Variants in CTNS observed in about 807,000 individuals in gnomAD.
CTNS encodes cystinosin, lysosomal cystine transporter.
CTNS carries 27 observed loss-of-function variants against 43.7 expected under a neutral mutation model. The observed-to-expected ratio is 0.62, with a 90% CI of 0.46 to 0.85. The LOEUF is 0.85. Ranked by LOEUF, CTNS falls within the 40% of genes least tolerant of loss-of-function variation. CTNS has a pLI of 0.00. For synonymous variants in CTNS, 187 were observed against 190.6 expected, an observed-to-expected ratio of 0.98 and a Z score of 0.16; for missense variants, 457 against 475.4, an observed-to-expected ratio of 0.96 and a Z score of 0.36.
chr17:3,660,024 C>G (rs1233969942), intron 11 of CTNS, 49 bp downstream of exon 11: 8 of 1,524,694 alleles, frequency 5.2e-6, no homozygotes, highest in African/African-American at 4.1e-5. Flanking sequence ...GGGCATCGGG[C>G]GGGGCCAGCC....
chr17:3,659,382 G>A (rs2076232729), intron 10 of CTNS, among the ~76,000 whole-genome samples: 1 of 152,234 alleles, frequency 6.6e-6, no homozygotes, highest in African/African-American at 2.4e-5. Context: ...AAGGCTAGGA[G>A]AACTGTCACT....
chr17:3,660,159 GC>G, intron 11 of CTNS, 76 bp from the exon 12 acceptor site: 2 of 1,597,014 alleles, frequency 1.3e-6, no homozygotes, highest in Non-Finnish European at 1.7e-6. Context: ...GACCCCCACC[GC>G]CCACCACCCC....
rs377574120 is a variant in CTNS, at chr17:3,655,372, G to A, written c.461+20G>A. ...GAAAAGGTAACCCCCTGGGCCGTATGTGCAGGCTCTCTCGGGGCCCCTAGG... is the reference window on the plus strand; with the variant it reads ...GAAAAGGTAACCCCCTGGGCCGTATATGCAGGCTCTCTCGGGGCCCCTAGG... On this transcript the variant is annotated intron_variant, in intron 7 of 11. Coordinates refer to ENST00000046640, the MANE Select transcript of CTNS (RefSeq NM_004937.3). 3.7e-6 allele frequency: 6 copies of A among 1,613,590 alleles called. No homozygotes were observed. In the African/African-American group the frequency reaches 6.7e-5, roughly 18 times the overall value.
intron 3 of CTNS, among the ~76,000 whole-genome samples, chr17:3,646,094 G>A (rs2075836871): frequency 6.6e-6 from 1 of 152,052 alleles, no homozygotes; most frequent in Non-Finnish European, 1.5e-5. Context: ...CTAGAGTCAT[G>A]ACCATAACCC....
chr17:3,645,481 T>A (rs2075821397), intron 3 of CTNS, among the ~76,000 whole-genome samples: 1 of 152,058 alleles, frequency 6.6e-6, no homozygotes, highest in Non-Finnish European at 1.5e-5. Context: ...GTGATCTCCT[T>A]AGAGGAGACG....
intron 5 of CTNS, among the ~76,000 whole-genome samples, chr17:3,654,421 C>A (rs553314008): frequency 2.6e-4 from 39 of 152,256 alleles, no homozygotes; most frequent in Non-Finnish European, 4.6e-4. Context: ...TGCCTGTAAT[C>A]CCAGCACTTT....
intron 9 of CTNS, 138 bp from the exon 10 acceptor site, chr17:3,657,867 C>T (rs1364665504): frequency 7.9e-6 from 7 of 890,736 alleles, no homozygotes; most frequent in Non-Finnish European, 1.3e-5. Context: ...GTGCAGCCCC[C>T]ACCTTGCAGG....
chr17:3,659,494 C>T (rs777852869), intron 10 of CTNS, among the ~76,000 whole-genome samples: 1 of 152,172 alleles, frequency 6.6e-6, no homozygotes, highest in Non-Finnish European at 1.5e-5. Context: ...AGTTTGGGGA[C>T]AGCCTTGCCT....
chr17:3,651,689 A>G (rs903001493), intron 5 of CTNS, among the ~76,000 whole-genome samples: 8 of 151,802 alleles, frequency 5.3e-5, no homozygotes, highest in Non-Finnish European at 1.2e-4. Context: ...CAACAGTGAG[A>G]GGCTGGGCAC....
rs1169625643 is a variant in CTNS, at chr17:3,648,937, T to C, written c.225+6T>C. The C allele has an allele frequency of 2.5e-6, 4 of 1,594,018 alleles. No individual in the cohort carries two copies. In the African/African-American group the frequency reaches 5.4e-5, roughly 21 times the overall value. On this transcript the variant is annotated splice_donor_region_variant and intron_variant, in intron 5 of 11. Transcript: ENST00000046640. ...TCCTTGAGCTCCCCGATGAAGTAAG[T>C]AACCAATCTTAACGGATGGGTAGGG...
chr17:3,651,705 G>A (rs2075987219), intron 5 of CTNS, among the ~76,000 whole-genome samples: 1 of 151,806 alleles, frequency 6.6e-6, no homozygotes, highest in South Asian at 2.1e-4. Context: ...GGCACCGTGG[G>A]ATTACATCTG....
chr17:3,641,384 A>ATATT (rs1555558526), intron 3 of CTNS, among the ~76,000 whole-genome samples: 2 of 31,204 alleles, frequency 6.4e-5, no homozygotes, highest in African/African-American at 2.3e-4. Context: ...ATATATATAT[A>ATATT]TTTTTTTTTT....
At position 3,660,245 on chromosome 17, in the gene CTNS, C is replaced by T. The variant is rs1033304034; in HGVS notation, c.980C>T (p.Thr327Met). 21 of 1,614,144 alleles carry T rather than the reference C, an allele frequency of 1.3e-5. No homozygotes were observed. In the Middle Eastern group the frequency reaches 4.9e-4, roughly 38 times the overall value. The stretch of plus-strand genomic sequence containing the variant: ...CCCCGGCTGCTAACAGACCAGTGGA[C>T]GCTGATCTTCGGAGACCCAACCAAG... ...FLQSYNNDQWTLIFGDPTKFG... is the reference protein window; with the variant it reads ...FLQSYNNDQWMLIFGDPTKFG... The change falls in exon 12 of 12, where the codon ACG (threonine) becomes ATG (methionine). Residue 327 changes from threonine (T) to methionine (M), a missense_variant. Transcript: ENST00000046640.
intron 7 of CTNS, chr17:3,655,776 C>G (rs568426769): frequency 7.8e-4 from 205 of 262,240 alleles, no homozygotes; most frequent in African/African-American, 4.4e-3. Context: ...CTGGCCACGT[C>G]GGCCTCCTGG....
chr17:3,649,904 C>T (rs559061662), intron 5 of CTNS, among the ~76,000 whole-genome samples: 7 of 152,176 alleles, frequency 4.6e-5, no homozygotes, highest in South Asian at 2.1e-4. Flanking sequence ...TACAACCTGG[C>T]GATATAGTTA....
Position 3,652,286 on chromosome 17 carries a change from A to C in CTNS, c.226-2712A>C, listed in dbSNP as rs562355859. ...CAGCCTTGTGAAGATTAAAAGCACA[A>C]ACAAGTATAAAATGTCTAGGATTGA... On this transcript the variant is annotated intron_variant, in intron 5 of 11. Transcript: ENST00000046640. Among the ~76,000 whole-genome samples the C allele has an allele frequency of 2.6e-5, 4 of 152,284 alleles. No homozygotes were observed. The East Asian group carries it at 7.7e-4, about 29-fold the overall frequency.
intron 3 of CTNS, among the ~76,000 whole-genome samples, chr17:3,642,282 C>T (rs1186480339): frequency 6.6e-6 from 1 of 151,916 alleles, no homozygotes; most frequent in African/African-American, 2.4e-5. Context: ...GAAGCAGGCC[C>T]AGAGAGGGTA....
intron 5 of CTNS, chr17:3,650,118 AC>A: frequency 6.5e-7 from 1 of 1,533,290 alleles, no homozygotes; most frequent in Middle Eastern, 1.7e-4. Flanking sequence ...TCAAAGCATC[AC>A]GTTATATACT....
At chr17:3,660,163 A>G (rs1192394364) in intron 11 of CTNS, 73 bp from the exon 12 acceptor site, 1 of 1,605,376 alleles carries the variant, frequency 6.2e-7, no homozygotes, top group African/African-American at 1.3e-5. Flanking sequence ...CCCACCGCCC[A>G]CCACCCCACA....
Sources: allele counts gnomAD v4.1 joint callset (sites outside exome capture counted in the v4.1 genomes callset), GRCh38; gene constraint gnomAD v4.1.1; transcripts MANE v1.5; gene names NCBI Gene and HGNC (gene_info 2026-07-23, HGNC 2026-07-21).